Variants in PTPRQ observed in about 807,000 individuals in gnomAD.
The protein encoded by PTPRQ is phosphatidylinositol phosphatase PTPRQ.
PTPRQ carries 199 observed loss-of-function variants against 246.0 expected under a neutral mutation model. The observed-to-expected ratio is 0.81, with a 90% CI of 0.72 to 0.91. The LOEUF (loss-of-function observed/expected upper bound fraction) is 0.91, where lower values mean the gene tolerates loss of function less well. PTPRQ is among the 40% of genes least tolerant of loss of function. PTPRQ has a pLI of 0.00. For synonymous variants in PTPRQ, 869 were observed against 853.2 expected, an observed-to-expected ratio of 1.02 and a Z score of -0.32; for missense variants, 2,624 against 2,528.4, an observed-to-expected ratio of 1.04 and a Z score of -0.81.
Position 80,642,097 on chromosome 12 carries a change from T to A in PTPRQ, c.5916-6800T>A, listed in dbSNP as rs931351086. Among the ~76,000 whole-genome samples the A allele has an allele frequency of 9.8e-5, 15 of 152,310 alleles. No homozygotes were observed. The South Asian group carries it at 2.9e-3, about 29-fold the overall frequency. ...AGCCCTTACCCTGACACAGCTAAACTTAATCATTTGTGTTAGTCAGAACCT... is the reference window on the plus strand; with the variant it reads ...AGCCCTTACCCTGACACAGCTAAACATAATCATTTGTGTTAGTCAGAACCT... On this transcript the variant is annotated intron_variant, in intron 35 of 44. Coordinates refer to ENST00000644991, the MANE Select transcript of PTPRQ (RefSeq NM_001145026.2).
At chr12:80,676,635 C>T (rs1304921419) in intron 43 of PTPRQ, among the ~76,000 whole-genome samples, 1 of 152,114 alleles carries the variant, frequency 6.6e-6, no homozygotes, top group Non-Finnish European at 1.5e-5. Context: ...GAGCGAGACT[C>T]TGTTGCAAAC....
intron 26 of PTPRQ, among the ~76,000 whole-genome samples, chr12:80,600,171 T>C (rs1898095654): frequency 6.6e-6 from 1 of 151,882 alleles, no homozygotes; most frequent in African/African-American, 2.4e-5. Context: ...TTTTTTATAA[T>C]GATTGATCAG....
chr12:80,678,756 T>C, intron 44 of PTPRQ, 31 bp downstream of exon 44: 1 of 1,525,494 alleles, frequency 6.6e-7, no homozygotes, highest in Non-Finnish European at 8.8e-7. Flanking sequence ...ATGCCCAGCT[T>C]ACTAGTTTAC....
At chr12:80,587,990 T>C in intron 25 of PTPRQ, 139 bp from the exon 26 acceptor site, 1 of 852,568 alleles carries the variant, frequency 1.2e-6, no homozygotes, top group Middle Eastern at 3.6e-4. Flanking sequence ...TCTCATTAAG[T>C]GTGGGGATAA....
At chr12:80,575,713 C>T (rs1044336356) in intron 25 of PTPRQ, among the ~76,000 whole-genome samples, 2 of 151,418 alleles carry the variant, frequency 1.3e-5, no homozygotes, top group Admixed American at 1.3e-4. Context: ...GTGGCACATG[C>T]CTGTAATCCC....
At chr12:80,479,146 A>G (rs1238212590) in intron 8 of PTPRQ, among the ~76,000 whole-genome samples, 1 of 151,920 alleles carries the variant, frequency 6.6e-6, no homozygotes. Flanking sequence ...GTTACCCTCA[A>G]AGGGAAGCCC....
chr12:80,555,068 C>T (rs1896606499), intron 25 of PTPRQ, among the ~76,000 whole-genome samples: 1 of 152,138 alleles, frequency 6.6e-6, no homozygotes, highest in Admixed American at 6.5e-5. Flanking sequence ...GTGTGCACCA[C>T]CACACCTGGC....
intron 25 of PTPRQ, among the ~76,000 whole-genome samples, chr12:80,566,468 A>G (rs1399218752): frequency 6.6e-5 from 10 of 151,778 alleles, no homozygotes; most frequent in Non-Finnish European, 1.5e-5. Context: ...ACAGAGCGAG[A>G]CTCCATCTCA....
intron 26 of PTPRQ, among the ~76,000 whole-genome samples, chr12:80,602,021 C>T (rs532848805): frequency 1.3e-5 from 2 of 151,774 alleles, no homozygotes; most frequent in East Asian, 3.9e-4. Context: ...CTCATCAAAT[C>T]GAATCCTGGA....
In PTPRQ at chr12:80,661,839, C is replaced by A. The variant is rs891527370; in HGVS notation, c.6192+3778C>A. Among the ~76,000 whole-genome samples the A allele has an allele frequency of 2.6e-5, 4 of 151,756 alleles. No individual in the cohort carries two copies. In the South Asian group the frequency reaches 8.3e-4, roughly 31 times the overall value. On this transcript the variant is annotated intron_variant, in intron 39 of 44. Coordinates refer to ENST00000644991, the MANE Select transcript of PTPRQ (RefSeq NM_001145026.2). ...ATAGAGCACTTCAAAATTTTCAAAG[C>A]AATTTCACATTCCTTATTTTACAAA...
At chr12:80,481,490 C>T (rs1894055382) in intron 8 of PTPRQ, among the ~76,000 whole-genome samples, 1 of 152,164 alleles carries the variant, frequency 6.6e-6, no homozygotes, top group African/African-American at 2.4e-5. Flanking sequence ...CCTCTCACCA[C>T]TCCTATTCAA....
At chr12:80,500,015 A>G (rs1049843276) in intron 14 of PTPRQ, among the ~76,000 whole-genome samples, 1 of 152,038 alleles carries the variant, frequency 6.6e-6, no homozygotes, top group Admixed American at 6.6e-5. Context: ...TTGGGGCAAC[A>G]ACCATGAGTG....
At chr12:80,629,218 G>T (rs1195085516) in intron 33 of PTPRQ, among the ~76,000 whole-genome samples, 2 of 151,952 alleles carry the variant, frequency 1.3e-5, no homozygotes, top group Non-Finnish European at 2.9e-5. Context: ...CAAGCTCTCT[G>T]TGTCTCTTCT....
chr12:80,450,586 A>G (rs1427627182), intron 3 of PTPRQ, among the ~76,000 whole-genome samples: 1 of 151,848 alleles, frequency 6.6e-6, no homozygotes, highest in Non-Finnish European at 1.5e-5. Flanking sequence ...TTTTAGCATG[A>G]AGCATTGTTG....
chr12:80,633,633 C>T (rs1182809228), intron 34 of PTPRQ, among the ~76,000 whole-genome samples: 1 of 152,194 alleles, frequency 6.6e-6, no homozygotes, highest in Non-Finnish European at 1.5e-5. Flanking sequence ...CATCTTGACT[C>T]TCTTAAAGCA....
In PTPRQ at chr12:80,444,717, A is replaced by G. The variant is rs374547044; in HGVS notation, c.55-24A>G. On this transcript the variant is annotated intron_variant, in intron 1 of 44. Transcript: ENST00000644991. ...TGCTTTCCAGAAAGAATTTTAATGC[A>G]ACTATTTGTTTGTGGTGTTCTAGGT... The G allele has an allele frequency of 1.5e-5, 23 of 1,500,098 alleles. No individual in the cohort carries two copies. The African/African-American group carries it at 3.1e-4, about 20-fold the overall frequency. 92.9% of individuals were successfully genotyped at this position (1,500,098 alleles called of 1,614,324 possible). A position where few individuals can be genotyped will look rare whatever the true frequency, so the allele number is the denominator to read the frequency against.
chr12:80,616,472 T>A (rs1340521266), intron 30 of PTPRQ, among the ~76,000 whole-genome samples: 2 of 151,048 alleles, frequency 1.3e-5, no homozygotes, highest in East Asian at 3.9e-4. Flanking sequence ...ATAAGGAGAA[T>A]GTCTTTATTT....
At chr12:80,521,762 G>A (rs1339037204) in intron 17 of PTPRQ, among the ~76,000 whole-genome samples, 2 of 152,166 alleles carry the variant, frequency 1.3e-5, no homozygotes, top group African/African-American at 4.8e-5. Flanking sequence ...TTTGGTTACA[G>A]TAGCCTTGTA....
At chr12:80,472,012 A>G in intron 7 of PTPRQ, 93 bp from the exon 8 acceptor site, 1 of 1,469,120 alleles carries the variant, frequency 6.8e-7, no homozygotes. Context: ...ATAGGTTAAC[A>G]CTTGAATTGT....
Sources: gnomAD v4.1 joint callset for allele counts (sites outside exome capture counted in the v4.1 genomes callset) on GRCh38, gnomAD v4.1.1 for gene constraint, MANE v1.5 for transcripts, NCBI Gene and HGNC (gene_info 2026-07-23, HGNC 2026-07-21) for gene names.